The following FKTN variants were observed in gnomAD, a reference collection of about 807,000 sequenced individuals.
FKTN encodes ribitol-5-phosphate transferase FKTN.
Under a neutral mutation model 58.6 loss-of-function variants are expected in FKTN, and 47 were observed. The ratio of observed to expected loss-of-function variants is 0.80; its 90% CI spans 0.63 to 1.02. The LOEUF (loss-of-function observed/expected upper bound fraction) is 1.02, where lower values mean the gene tolerates loss of function less well. Among genes scored for constraint, FKTN ranks in the 50% least tolerant of loss-of-function variants. The pLI, the probability that FKTN is intolerant of heterozygous loss-of-function variation, is 0.00. For missense variants in FKTN, 516 were observed against 537.3 expected, an observed-to-expected ratio of 0.96 and a Z score of 0.39; for synonymous variants, 178 against 191.9, an observed-to-expected ratio of 0.93 and a Z score of 0.60.
At chr9:105,624,044 A>T (rs1408634879) in intron 10 of FKTN, among the ~76,000 whole-genome samples, 1 of 152,220 alleles carries the variant, frequency 6.6e-6, no homozygotes, top group Admixed American at 6.5e-5. Flanking sequence ...CCTTCAATAG[A>T]TACCCAAAGG....
chr9:105,611,199 G>A (rs957118295), intron 7 of FKTN, among the ~76,000 whole-genome samples: 2 of 152,088 alleles, frequency 1.3e-5, no homozygotes, highest in African/African-American at 4.8e-5. Context: ...TGGATTCCAC[G>A]ATTCTTCTTG....
chr9:105,596,775 C>T (rs185757672), intron 4 of FKTN, 118 bp downstream of exon 4: 70 of 822,192 alleles, frequency 8.5e-5, no homozygotes, highest in African/African-American at 5.8e-4. Flanking sequence ...GGTGGGTGGC[C>T]GGTTGGTAGT....
At position 105,637,208 on chromosome 9, in the gene FKTN, C is replaced by A; in HGVS notation, c.*1944C>A. 1.0e-6 allele frequency: 1 copy of A among 983,286 alleles called. No individual in the cohort carries two copies. The highest frequency in any genetic ancestry group is 1.2e-6 in the Non-Finnish European group (1 of 827,778). 60.9% of individuals were successfully genotyped at this position (983,286 alleles called of 1,614,324 possible). A position where few individuals can be genotyped will look rare whatever the true frequency, so the allele number is the denominator to read the frequency against. On this transcript the variant is annotated 3_prime_UTR_variant, in exon 11 of 11. Coordinates refer to ENST00000357998, the MANE Select transcript of FKTN (RefSeq NM_001079802.2). ...TGTGCTCAGTATTTAGAAATGCATA[C>A]ACTCCACATTTCTCCCCATTTCCAA...
Position 105,636,847 on chromosome 9 carries a change from A to AC in FKTN, c.*1585dup. 8.4e-7 allele frequency: 1 copy of AC among 1,195,718 alleles called. No homozygotes were observed. Among genetic ancestry groups the AC allele is most frequent in the Non-Finnish European group, 1.1e-6 (1 of 924,266 alleles). The allele number at this position is 1,195,718 out of a possible 1,614,324, so 74.1% of individuals were successfully genotyped here. The stretch of plus-strand genomic sequence containing the variant: ...AACAAATTAGAGAAAGTAACTTACA[A>AC]CCACCCATTCCGGATTTGTAAAGCA... On this transcript the variant is annotated 3_prime_UTR_variant, in exon 11 of 11. Coordinates refer to ENST00000357998, the MANE Select transcript of FKTN (RefSeq NM_001079802.2).
rs1235118888 is a variant in FKTN, at chr9:105,582,295, G to T, written c.105+7158G>T. Among the ~76,000 whole-genome samples the T allele has an allele frequency of 3.9e-5, 6 of 152,074 alleles. No individual in the cohort carries two copies. In the East Asian group the frequency reaches 1.2e-3, roughly 29 times the overall value. The stretch of plus-strand genomic sequence containing the variant: ...TAACCTTGAATCTGGGGCTCAAGCA[G>T]TACTCCTGCCTCAATCTCCTGAGTT... On this transcript the variant is annotated intron_variant, in intron 3 of 10. Coordinates refer to ENST00000357998, the MANE Select transcript of FKTN (RefSeq NM_001079802.2).
chr9:105,566,772 G>T (rs905038583), intron 1 of FKTN, among the ~76,000 whole-genome samples: 2 of 152,128 alleles, frequency 1.3e-5, no homozygotes, highest in South Asian at 4.1e-4. Context: ...AGAAAAAGAG[G>T]GAATCCTCCC....
chr9:105,637,479 A>G lies in FKTN; in HGVS notation c.*2215A>G, dbSNP rs979044489. The G allele has an allele frequency of 3.0e-6, 3 of 985,294 alleles. No homozygotes were observed. The highest frequency in any genetic ancestry group is 3.6e-6 in the Non-Finnish European group (3 of 829,940). The allele number at this position is 985,294 out of a possible 1,614,324, so 61.0% of individuals were successfully genotyped here. On this transcript the variant is annotated 3_prime_UTR_variant, in exon 11 of 11. Transcript: ENST00000357998. ...TTGGGGAAACAAAAGCCTTCTCTAG[A>G]ATCTGAAGGCCAGGCTTACCTCTGA...
intron 3 of FKTN, among the ~76,000 whole-genome samples, chr9:105,578,660 G>T (rs978064232): frequency 9.2e-5 from 14 of 151,840 alleles, no homozygotes; most frequent in Non-Finnish European, 2.1e-4. Flanking sequence ...GCCCGGCTTT[G>T]GTATCAGAAT....
At chr9:105,597,833 A>C (rs1827085843) in intron 4 of FKTN, among the ~76,000 whole-genome samples, 1 of 152,148 alleles carries the variant, frequency 6.6e-6, no homozygotes, top group Non-Finnish European at 1.5e-5. Flanking sequence ...ATTTATTAGG[A>C]GTCTTCATCT....
At chr9:105,610,600 C>T (rs1360699866) in intron 7 of FKTN, among the ~76,000 whole-genome samples, 1 of 151,916 alleles carries the variant, frequency 6.6e-6, no homozygotes, top group Non-Finnish European at 1.5e-5. Context: ...TGCTGGGCTG[C>T]ACACACGTAG....
intron 10 of FKTN, among the ~76,000 whole-genome samples, chr9:105,626,400 C>T (rs1832741408): frequency 6.6e-6 from 1 of 152,192 alleles, no homozygotes. Flanking sequence ...GATTTCTCCT[C>T]ACATGGTGAA....
chr9:105,614,204 A>C (rs1434049063), intron 7 of FKTN, among the ~76,000 whole-genome samples: 1 of 152,210 alleles, frequency 6.6e-6, no homozygotes, highest in East Asian at 1.9e-4. Flanking sequence ...CCTCAGCTCC[A>C]GAACACTCTA....
rs1834092532 is a variant in FKTN, at chr9:105,637,035, T to C, written c.*1771T>C. 4 of 993,492 alleles carry C rather than the reference T, an allele frequency of 4.0e-6. No individual in the cohort carries two copies. The African/African-American group carries it at 6.9e-5, about 17-fold the overall frequency. The allele number at this position is 993,492 out of a possible 1,614,324, so 61.5% of individuals were successfully genotyped here. A position where few individuals can be genotyped will look rare whatever the true frequency, so the allele number is the denominator to read the frequency against. ...AATGGCACATCATCATAATCCATTT[T>C]CTCTTTGCTAGAAAATCAGCCCATA... On this transcript the variant is annotated 3_prime_UTR_variant, in exon 11 of 11. Transcript: ENST00000357998.
chr9:105,591,565 G>C (rs557188669), intron 3 of FKTN, among the ~76,000 whole-genome samples: 83 of 152,286 alleles, frequency 5.5e-4, no homozygotes, highest in African/African-American at 1.9e-3. Flanking sequence ...CTCAGACCCT[G>C]TGGCTTTGCA....
At chr9:105,619,475 A>G (rs887742078) in intron 9 of FKTN, among the ~76,000 whole-genome samples, 1 of 152,214 alleles carries the variant, frequency 6.6e-6, no homozygotes, top group South Asian at 2.1e-4. Context: ...TGTGTGTAGT[A>G]TAATGAGCTA....
At chr9:105,622,520 A>T (rs953326492) in intron 10 of FKTN, among the ~76,000 whole-genome samples, 1 of 151,808 alleles carries the variant, frequency 6.6e-6, no homozygotes, top group African/African-American at 2.4e-5. Context: ...ATATATATTT[A>T]TATATATAAT....
chr9:105,602,843 T>C (rs1205568916), intron 5 of FKTN, among the ~76,000 whole-genome samples: 2 of 152,140 alleles, frequency 1.3e-5, no homozygotes, highest in African/African-American at 4.8e-5. Context: ...TTTGTACATA[T>C]GACATCCTAC....
intron 7 of FKTN, among the ~76,000 whole-genome samples, chr9:105,611,663 A>C (rs912172102): frequency 4.6e-5 from 7 of 152,208 alleles, no homozygotes; most frequent in Non-Finnish European, 7.4e-5. Flanking sequence ...ATGTCCCTGC[A>C]AAGAACATGA....
chr9:105,615,372 G>C lies in FKTN; in HGVS notation c.875G>C (p.Gly292Ala), dbSNP rs781664273. 9.3e-6 allele frequency: 15 copies of C among 1,614,018 alleles called. No homozygotes were observed. The highest frequency in any genetic ancestry group is 1.7e-5 in the Admixed American group (1 of 60,020). ...GCAGCGAAAACATTAAACAAATTGG[G>C]AGTACCATTCTGGCTGAGCAGTGGA... ...QLAAKTLNKL[G>A]VPFWLSSGTC... Residue 292 changes from glycine (G) to alanine (A), a missense_variant, in exon 8 of 11, where the codon GGA (glycine) becomes GCA (alanine). Gly to Ala is a moderately conservative substitution (Grantham distance 60, BLOSUM62 0). Coordinates refer to ENST00000357998, the MANE Select transcript of FKTN (RefSeq NM_001079802.2).
Sources: gnomAD v4.1 joint callset for allele counts (sites outside exome capture counted in the v4.1 genomes callset) on GRCh38, gnomAD v4.1.1 for gene constraint, MANE v1.5 for transcripts, NCBI Gene and HGNC (gene_info 2026-07-23, HGNC 2026-07-21) for gene names.